Variants in FAM227B observed in about 807,000 individuals in gnomAD.
FAM227B encodes the protein family with sequence similarity 227 member B.
Under a neutral mutation model 73.8 loss-of-function variants are expected in FAM227B, and 88 were observed. The ratio of observed to expected loss-of-function variants is 1.19; its 90% CI spans 1.00 to 1.42. FAM227B has a LOEUF of 1.42. Ranked by LOEUF, FAM227B falls within the 40% of genes most tolerant of loss-of-function variation. The pLI is 0.00. For missense variants in FAM227B, 632 were observed against 590.9 expected, an observed-to-expected ratio of 1.07 and a Z score of -0.72; for synonymous variants, 210 against 190.5, an observed-to-expected ratio of 1.10 and a Z score of -0.84.
intron 9 of FAM227B, among the ~76,000 whole-genome samples, chr15:49,559,345 C>G (rs951836890): frequency 1.3e-5 from 2 of 152,094 alleles, no homozygotes; most frequent in Non-Finnish European, 2.9e-5. Flanking sequence ...TCTCCAACCC[C>G]ACAGAACAGG....
At chr15:49,516,284 T>C (rs2059372827) in intron 10 of FAM227B, among the ~76,000 whole-genome samples, 1 of 152,068 alleles carries the variant, frequency 6.6e-6, no homozygotes, top group Non-Finnish European at 1.5e-5. Flanking sequence ...AAAACATAAA[T>C]GTAGGGCAAC....
At chr15:49,387,239 C>A (rs1395454290) in intron 11 of FAM227B, among the ~76,000 whole-genome samples, 1 of 151,472 alleles carries the variant, frequency 6.6e-6, no homozygotes, top group Admixed American at 6.6e-5. Flanking sequence ...ATTCAAAAAT[C>A]CCCCCCAAAA....
intron 13 of FAM227B, among the ~76,000 whole-genome samples, chr15:49,361,910 A>AT (rs1343318786): frequency 6.6e-6 from 1 of 151,938 alleles, no homozygotes; most frequent in Admixed American, 6.6e-5. Context: ...AGAATCTGTT[A>AT]TTTTTTGACT....
At chr15:49,490,259 G>A (rs1018492425) in intron 11 of FAM227B, among the ~76,000 whole-genome samples, 1 of 151,774 alleles carries the variant, frequency 6.6e-6, no homozygotes, top group Admixed American at 6.6e-5. Context: ...ACTAGAAAGA[G>A]AGTTACAATT....
chr15:49,610,821 C>G (rs1331466575), intron 3 of FAM227B, among the ~76,000 whole-genome samples: 1 of 152,120 alleles, frequency 6.6e-6, no homozygotes, highest in African/African-American at 2.4e-5. Context: ...ATTTTTCACT[C>G]TGATTCAATA....
intron 11 of FAM227B, among the ~76,000 whole-genome samples, chr15:49,473,770 T>C (rs2055001416): frequency 1.3e-5 from 2 of 152,130 alleles, no homozygotes; most frequent in African/African-American, 4.8e-5. Context: ...ATTCCAAAAC[T>C]AGATTTTGTC....
At chr15:49,378,716 T>TATC (rs2151509854) in intron 11 of FAM227B, among the ~76,000 whole-genome samples, 1 of 152,288 alleles carries the variant, frequency 6.6e-6, no homozygotes, top group Non-Finnish European at 1.5e-5. Flanking sequence ...TCTTTAGGTT[T>TATC]TTCCAAATAT....
chr15:49,362,820 T>A (rs1261484217), intron 13 of FAM227B, among the ~76,000 whole-genome samples: 1 of 152,134 alleles, frequency 6.6e-6, no homozygotes, highest in East Asian at 1.9e-4. Context: ...ATGGAAGGGG[T>A]CCAGTTTCAA....
At position 49,599,907 on chromosome 15, in the gene FAM227B, T is replaced by C. The variant is rs771380382; in HGVS notation, c.106-9900A>G. The stretch of plus-strand genomic sequence containing the variant: ...TTGCTTTTGGATAGAATGATCTGTA[T>C]GTGTCTGTTAGGACCATTTTGTCTA... On this transcript the variant is annotated intron_variant, in intron 3 of 15. Transcript: ENST00000299338. Among the ~76,000 whole-genome samples the C allele has an allele frequency of 5.9e-5, 9 of 152,318 alleles. No individual in the cohort carries two copies. The South Asian group carries it at 1.2e-3, about 21-fold the overall frequency.
chr15:49,589,542 T>TACACACACACACAC (rs35391819), intron 4 of FAM227B, among the ~76,000 whole-genome samples: 9 of 139,724 alleles, frequency 6.4e-5, no homozygotes, highest in South Asian at 2.4e-4. Flanking sequence ...TTTATGAGAT[T>TACACACACACACAC]ACACACACAC....
intron 8 of FAM227B, 92 bp downstream of exon 8, chr15:49,574,919 A>G: frequency 2.9e-6 from 2 of 692,442 alleles, no homozygotes; most frequent in East Asian, 5.8e-5. Context: ...AGTTGCATCC[A>G]GAAAAACATT....
intron 11 of FAM227B, among the ~76,000 whole-genome samples, chr15:49,409,430 C>T (rs1369876457): frequency 6.6e-6 from 1 of 151,598 alleles, no homozygotes; most frequent in Non-Finnish European, 1.5e-5. Context: ...TCTCTTGTGC[C>T]TTGTTTCTTC....
At chr15:49,563,779 C>T (rs566052335) in intron 9 of FAM227B, among the ~76,000 whole-genome samples, 1 of 152,278 alleles carries the variant, frequency 6.6e-6, no homozygotes, top group East Asian at 1.9e-4. Flanking sequence ...GGGTAACTGG[C>T]TAGCCATACG....
chr15:49,603,273 A>C (rs2153312467), intron 3 of FAM227B, among the ~76,000 whole-genome samples: 1 of 152,262 alleles, frequency 6.6e-6, no homozygotes, highest in Non-Finnish European at 1.5e-5. Context: ...TCCAATCCAT[A>C]AACATGGACT....
intron 11 of FAM227B, among the ~76,000 whole-genome samples, chr15:49,468,642 CT>C (rs1274543244): frequency 6.6e-6 from 1 of 152,190 alleles, no homozygotes; most frequent in East Asian, 1.9e-4. Context: ...CTGGAGGTCA[CT>C]ACCTCCACAG....
At chr15:49,603,401 T>C (rs556376401) in intron 3 of FAM227B, among the ~76,000 whole-genome samples, 3 of 152,314 alleles carry the variant, frequency 2.0e-5, no homozygotes, top group African/African-American at 4.8e-5. Flanking sequence ...TTGGCTACTA[T>C]ACATGGGATT....
At chr15:49,441,939 T>C (rs953497986) in intron 11 of FAM227B, among the ~76,000 whole-genome samples, 1 of 151,626 alleles carries the variant, frequency 6.6e-6, no homozygotes, top group African/African-American at 2.4e-5. Flanking sequence ...TCAAGTATTA[T>C]AATTATTTGT....
At chr15:49,512,184 C>T (rs80014213) in intron 10 of FAM227B, among the ~76,000 whole-genome samples, 4,340 of 152,134 alleles carry the variant, frequency 0.029, 218 homozygotes, top group African/African-American at 0.1. Context: ...ATCATAGTTT[C>T]TAATGCATTG....
chr15:49,593,406 T>C (rs2076701016), intron 3 of FAM227B, among the ~76,000 whole-genome samples: 1 of 152,212 alleles, frequency 6.6e-6, no homozygotes, highest in Non-Finnish European at 1.5e-5. Context: ...TTTTTTTTGC[T>C]GTCAGAATCT....
Sources: allele counts gnomAD v4.1 joint callset (sites outside exome capture counted in the v4.1 genomes callset), GRCh38; gene constraint gnomAD v4.1.1; transcripts MANE v1.5; gene names NCBI Gene and HGNC (gene_info 2026-07-23, HGNC 2026-07-21).